The following PPP2R2A variants were observed in gnomAD, a reference collection of about 807,000 sequenced individuals.
PPP2R2A encodes serine/threonine-protein phosphatase 2A 55 kDa regulatory subunit B alpha isoform.
Under a neutral mutation model 53.2 loss-of-function variants are expected in PPP2R2A, and 9 were observed. The ratio of observed to expected loss-of-function variants is 0.17; its 90% CI spans 0.10 to 0.30. The LOEUF is 0.30. Ranked by LOEUF, PPP2R2A falls within the 10% of genes least tolerant of loss-of-function variation. The pLI, the probability that PPP2R2A is intolerant of heterozygous loss-of-function variation, is 1.00. For missense variants in PPP2R2A, 235 were observed against 534.6 expected (o/e 0.44, Z 5.53); for synonymous variants, 169 against 174.2 (o/e 0.97, Z 0.23).
intron 3 of PPP2R2A, among the ~76,000 whole-genome samples, chr8:26,343,819 A>G (rs561994179): frequency 1.3e-5 from 2 of 152,344 alleles, no homozygotes; most frequent in African/African-American, 4.8e-5. Flanking sequence ...TGACAGAGTC[A>G]CAAGAATTGC....
rs145195246 is a variant in PPP2R2A, at chr8:26,321,774, CACCTAGATTCCTG to C, written c.83-17111_83-17099del. Reference sequence around the variant, plus strand: ...AACGCAAGGCCCCCTGGCTAAGTCACACCTAGATTCCTGACCTGTTATGAGATAATAAGTGTTT... The same window carrying C: ...AACGCAAGGCCCCCTGGCTAAGTCACACCTGTTATGAGATAATAAGTGTTT... On this transcript the variant is annotated intron_variant, in intron 2 of 9. Coordinates refer to ENST00000380737, the MANE Select transcript of PPP2R2A (RefSeq NM_002717.4). The surrounding 1 kb of genome is among the most constrained non-coding windows in gnomAD (Gnocchi z 4.1). Among the ~76,000 whole-genome samples the C allele has an allele frequency of 0.031, 4,738 of 152,310 alleles. 88 individuals are homozygous for C. Among genetic ancestry groups the C allele is most frequent in the Middle Eastern group, 0.068 (20 of 294 alleles).
chr8:26,325,731 T>C (rs914092220), intron 2 of PPP2R2A, among the ~76,000 whole-genome samples: 14 of 152,204 alleles, frequency 9.2e-5, no homozygotes. Flanking sequence ...GTACTTTAAT[T>C]TCTTCATTTG....
chr8:26,340,773 C>T (rs1803904283), intron 3 of PPP2R2A, among the ~76,000 whole-genome samples: 1 of 151,742 alleles, frequency 6.6e-6, no homozygotes, highest in Admixed American at 6.6e-5. Flanking sequence ...GTAATGTAGT[C>T]AGAATATTAG....
intron 2 of PPP2R2A, among the ~76,000 whole-genome samples, chr8:26,324,860 A>T (rs1306178844): frequency 6.6e-6 from 1 of 152,056 alleles, no homozygotes; most frequent in Non-Finnish European, 1.5e-5. Flanking sequence ...TGAGACCTGG[A>T]GCCAAAGGAG....
At chr8:26,301,499 G>A (rs1018010968) in intron 2 of PPP2R2A, among the ~76,000 whole-genome samples, 1 of 151,628 alleles carries the variant, frequency 6.6e-6, no homozygotes, top group African/African-American at 2.4e-5. Flanking sequence ...CGCCCGGCTA[G>A]TTTTTAAAAA....
chr8:26,303,817 G>C (rs187944166), intron 2 of PPP2R2A, among the ~76,000 whole-genome samples: 58 of 152,272 alleles, frequency 3.8e-4, no homozygotes, highest in African/African-American at 1.4e-3. Context: ...GGCAGTAGTT[G>C]ATTACAATAT....
chr8:26,334,847 A>C (rs1803574258), intron 2 of PPP2R2A, among the ~76,000 whole-genome samples: 2 of 152,260 alleles, frequency 1.3e-5, no homozygotes, highest in Non-Finnish European at 2.9e-5. Flanking sequence ...TATGGGTATC[A>C]GAACATGAGA....
rs1394371774 is a variant in PPP2R2A at position 26,372,610 on chromosome 8, C to CT, written c.*2198dup. On this transcript the variant is annotated 3_prime_UTR_variant, in exon 10 of 10. Coordinates refer to ENST00000380737, the MANE Select transcript of PPP2R2A (RefSeq NM_002717.4). ...TTTAATTTCATTGGTGTAGCAAACT[C>CT]TAAGCCCAGCCACTCATTTTACATG... The CT allele has an allele frequency of 6.6e-6, 1 of 152,140 alleles. No homozygotes were observed. The highest frequency in any genetic ancestry group is 1.5e-5 in the Non-Finnish European group (1 of 68,030). 9.4% of individuals were successfully genotyped at this position (152,140 alleles called of 1,614,324 possible). A position where few individuals can be genotyped will look rare whatever the true frequency, so the allele number is the denominator to read the frequency against.
At chr8:26,368,534 C>T (rs943949606) in intron 9 of PPP2R2A, among the ~76,000 whole-genome samples, 1 of 152,158 alleles carries the variant, frequency 6.6e-6, no homozygotes, top group African/African-American at 2.4e-5. Context: ...TAAACTGATA[C>T]TTTTATAAAT....
At chr8:26,320,720 C>T (rs138637391) in intron 2 of PPP2R2A, among the ~76,000 whole-genome samples, 2 of 152,210 alleles carry the variant, frequency 1.3e-5, no homozygotes, top group African/African-American at 2.4e-5. Flanking sequence ...ATGTTTTAAA[C>T]GGAACCAAGT....
chr8:26,292,514 C>A (rs542331540), intron 1 of PPP2R2A: 2 of 885,216 alleles, frequency 2.3e-6, no homozygotes, highest in African/African-American at 3.6e-5. Context: ...TGTCCTTTTC[C>A]CAAAAGGGTT....
chr8:26,313,987 A>G (rs1013113089), intron 2 of PPP2R2A, among the ~76,000 whole-genome samples: 5 of 152,216 alleles, frequency 3.3e-5, no homozygotes, highest in Non-Finnish European at 7.3e-5. Flanking sequence ...CGGGCTGTAT[A>G]ATAAATTCTG....
intron 1 of PPP2R2A, 90 bp downstream of exon 1, chr8:26,291,916 C>A: frequency 6.6e-7 from 1 of 1,525,594 alleles, no homozygotes; most frequent in Non-Finnish European, 8.9e-7. Flanking sequence ...GCGCCTCGCG[C>A]AGAGCCACAG....
At chr8:26,341,417 C>G (rs960134624) in intron 3 of PPP2R2A, among the ~76,000 whole-genome samples, 2 of 151,898 alleles carry the variant, frequency 1.3e-5, no homozygotes, top group Admixed American at 6.6e-5. Flanking sequence ...CTAGAGGCAC[C>G]TTTGTTTCAA....
rs764735324 is a variant in PPP2R2A at position 26,370,266 on chromosome 8, A to G, written c.1197A>G (p.Ala399=). 2 of 1,614,202 alleles carry G rather than the reference A, an allele frequency of 1.2e-6. No individual in the cohort carries two copies. The highest frequency in any genetic ancestry group is 1.1e-5 in the South Asian group (1 of 91,080). ...TTCTGAAGCCTCGCAAAGTCTGTGC[A>G]AGTGGCAAGCGAAAGAAAGATGAAA... ...RTVLKPRKVC[A]SGKRKKDEIS... The change falls in exon 10 of 10, where the codon GCA becomes GCG. Residue 399 remains alanine (A), a synonymous_variant. Coordinates refer to ENST00000380737, the MANE Select transcript of PPP2R2A (RefSeq NM_002717.4). The surrounding 1 kb of genome is among the most constrained non-coding windows in gnomAD (Gnocchi z 6.1).
rs977393858 is a variant in PPP2R2A at position 26,337,843 on chromosome 8, C to T, written c.83-1047C>T. Among the ~76,000 whole-genome samples, 5 of 151,986 alleles carry T rather than the reference C, an allele frequency of 3.3e-5. No homozygotes were observed. In the East Asian group the frequency reaches 5.8e-4, roughly 18 times the overall value. Reference sequence around the variant, plus strand: ...GATTAAATGCCTTGGACCTAGACAACGGAGGAAGAAAAGAAACCTTCTCAA... The same window carrying T: ...GATTAAATGCCTTGGACCTAGACAATGGAGGAAGAAAAGAAACCTTCTCAA... On this transcript the variant is annotated intron_variant, in intron 2 of 9. Coordinates refer to ENST00000380737, the MANE Select transcript of PPP2R2A (RefSeq NM_002717.4).
intron 4 of PPP2R2A, among the ~76,000 whole-genome samples, chr8:26,356,884 C>T (rs1358292625): frequency 6.6e-6 from 1 of 152,168 alleles, no homozygotes; most frequent in African/African-American, 2.4e-5. Flanking sequence ...TTCCCCTTCC[C>T]CTCCTCCTCA....
intron 3 of PPP2R2A, among the ~76,000 whole-genome samples, chr8:26,347,270 C>T (rs929639075): frequency 3.3e-5 from 5 of 151,414 alleles, no homozygotes; most frequent in African/African-American, 1.2e-4. Context: ...ATTGAAATTC[C>T]ATTTTGAGAG....
Position 26,362,763 on chromosome 8 carries a change from T to C in PPP2R2A, c.717T>C (p.Cys239=). 6.2e-7 allele frequency: 1 copy of C among 1,614,028 alleles called. No individual in the cohort carries two copies. Among genetic ancestry groups the C allele is most frequent in the East Asian group, 2.2e-5 (1 of 44,870 alleles). ...CAGCAGAATTTCATCCAAACAGCTGTAACACATTTGTATACAGCAGCAGTA... is the reference window on the plus strand; with the variant it reads ...CAGCAGAATTTCATCCAAACAGCTGCAACACATTTGTATACAGCAGCAGTA... ...ITAAEFHPNS[C]NTFVYSSSKG... is the part of the protein sequence containing the mutation. Residue 239 remains cysteine, a synonymous_variant, in exon 7 of 10, where the codon TGT becomes TGC. Coordinates refer to ENST00000380737, the MANE Select transcript of PPP2R2A (RefSeq NM_002717.4). The surrounding 1 kb of genome is among the most constrained non-coding windows in gnomAD (Gnocchi z 4.4).
Sources: gnomAD v4.1 joint callset for allele counts (sites outside exome capture counted in the v4.1 genomes callset) on GRCh38, gnomAD v4.1.1 for gene constraint, Gnocchi (gnomAD v3.1) non-coding constraint, MANE v1.5 for transcripts, NCBI Gene and HGNC (gene_info 2026-07-23, HGNC 2026-07-21) for gene names.